Variants in RBMS3 observed in about 807,000 individuals in gnomAD.
RBMS3 encodes RNA-binding motif, single-stranded-interacting protein 3.
A neutral mutation model predicts 66.8 loss-of-function variants in RBMS3; 27 were observed. The ratio of observed to expected loss-of-function variants is 0.40; its 90% CI spans 0.30 to 0.56. The LOEUF (loss-of-function observed/expected upper bound fraction) is 0.56, where lower values mean the gene tolerates loss of function less well. Among genes scored for constraint, RBMS3 ranks in the 20% least tolerant of loss-of-function variants. RBMS3 has a pLI of 0.40. For synonymous variants in RBMS3, 188 were observed against 183.0 expected, an observed-to-expected ratio of 1.03 and a Z score of -0.22; for missense variants, 513 against 549.5, an observed-to-expected ratio of 0.93 and a Z score of 0.66.
intron 14 of RBMS3, among the ~76,000 whole-genome samples, chr3:29,992,637 A>G (rs1426807890): frequency 6.6e-6 from 1 of 152,090 alleles, no homozygotes; most frequent in Non-Finnish European, 1.5e-5. Flanking sequence ...AATTATTGCA[A>G]TAGGGGAAGA....
At chr3:29,772,585 C>T (rs537812233) in intron 6 of RBMS3, among the ~76,000 whole-genome samples, 17 of 152,002 alleles carry the variant, frequency 1.1e-4, no homozygotes, top group African/African-American at 1.4e-4. Context: ...AGAGATTGGG[C>T]TCACCTCCGA....
chr3:29,587,525 G>A (rs1377575736), intron 4 of RBMS3, among the ~76,000 whole-genome samples: 2 of 151,548 alleles, frequency 1.3e-5, no homozygotes, highest in South Asian at 2.1e-4. Context: ...GGACACTCGT[G>A]AAGTGCTCTG....
At chr3:29,369,487 AACACAC>A (rs59274434) in intron 1 of RBMS3, among the ~76,000 whole-genome samples, 12,882 of 135,160 alleles carry the variant, frequency 0.095, 640 homozygotes, top group African/African-American at 0.1. Flanking sequence ...ATCACTCCTT[AACACAC>A]ACACACACAC....
At chr3:29,471,718 G>GTTTTTTTTTTT (rs397793236) in intron 2 of RBMS3, among the ~76,000 whole-genome samples, 2 of 71,166 alleles carry the variant, frequency 2.8e-5, no homozygotes, top group Non-Finnish European at 5.5e-5. Flanking sequence ...TGAGGACTTA[G>GTTTTTTTTTTT]TTTTTTTTTT....
At chr3:29,565,318 C>G (rs923428091) in intron 3 of RBMS3, among the ~76,000 whole-genome samples, 3 of 152,114 alleles carry the variant, frequency 2.0e-5, no homozygotes, top group African/African-American at 4.8e-5. Flanking sequence ...AAAGAAAAAA[C>G]TTCTGGCTTG....
At chr3:29,542,657 A>T (rs1190305347) in intron 3 of RBMS3, among the ~76,000 whole-genome samples, 1 of 152,186 alleles carries the variant, frequency 6.6e-6, no homozygotes, top group Non-Finnish European at 1.5e-5. Context: ...CACCACGCCC[A>T]GCCCATCCCC....
At chr3:29,326,327 C>A (rs1447342686) in intron 1 of RBMS3, among the ~76,000 whole-genome samples, 2 of 152,168 alleles carry the variant, frequency 1.3e-5, no homozygotes, top group Non-Finnish European at 2.9e-5. Flanking sequence ...AAATTATGAT[C>A]CCCAATAAGT....
At chr3:29,648,431 C>T (rs2050024477) in intron 4 of RBMS3, among the ~76,000 whole-genome samples, 1 of 151,694 alleles carries the variant, frequency 6.6e-6, no homozygotes, top group African/African-American at 2.4e-5. Context: ...CGCCACTACA[C>T]CTGGCTAAGT....
intron 8 of RBMS3, among the ~76,000 whole-genome samples, chr3:29,896,078 G>T (rs1178984376): frequency 6.6e-6 from 1 of 151,252 alleles, no homozygotes; most frequent in African/African-American, 2.4e-5. Flanking sequence ...TTACCCAAAA[G>T]AGTATGATCT....
intron 12 of RBMS3, among the ~76,000 whole-genome samples, chr3:29,944,573 T>A (rs992311948): frequency 8.6e-5 from 13 of 151,694 alleles, no homozygotes; most frequent in Admixed American, 8.6e-4. Flanking sequence ...AGTCATCAAA[T>A]TCCTGAAAAG....
intron 3 of RBMS3, among the ~76,000 whole-genome samples, chr3:29,548,887 A>G (rs2046075197): frequency 6.6e-6 from 1 of 152,126 alleles, no homozygotes; most frequent in Non-Finnish European, 1.5e-5. Flanking sequence ...TTGGCCAATA[A>G]TTGTTATTTT....
At chr3:29,519,531 C>A (rs1005167322) in intron 3 of RBMS3, among the ~76,000 whole-genome samples, 3 of 152,152 alleles carry the variant, frequency 2.0e-5, no homozygotes, top group African/African-American at 7.2e-5. Flanking sequence ...CAGTCCTATG[C>A]CATTCTCCTC....
intron 5 of RBMS3, among the ~76,000 whole-genome samples, chr3:29,741,279 C>T (rs972705782): frequency 6.6e-6 from 1 of 152,162 alleles, no homozygotes; most frequent in Non-Finnish European, 1.5e-5. Flanking sequence ...AAGAAAATCT[C>T]CCTGACTTGA....
chr3:29,850,439 C>A (rs1300553594), intron 6 of RBMS3, among the ~76,000 whole-genome samples: 1 of 152,102 alleles, frequency 6.6e-6, no homozygotes, highest in Admixed American at 6.5e-5. Context: ...ACAAAAGAAT[C>A]TCTTTATTTT....
intron 6 of RBMS3, among the ~76,000 whole-genome samples, chr3:29,838,153 A>G (rs151106604): frequency 1.3e-4 from 18 of 140,318 alleles, no homozygotes; most frequent in African/African-American, 4.9e-4. Context: ...CCTGGGCAAC[A>G]TAGTGAGACC....
chr3:29,731,608 G>A (rs1157755170), intron 4 of RBMS3, among the ~76,000 whole-genome samples: 1 of 152,082 alleles, frequency 6.6e-6, no homozygotes, highest in East Asian at 1.9e-4. Context: ...GTTTGCTTCT[G>A]GAGCGCCTGT....
At chr3:29,519,907 A>G (rs1232185257) in intron 3 of RBMS3, among the ~76,000 whole-genome samples, 1 of 152,210 alleles carries the variant, frequency 6.6e-6, no homozygotes, top group Non-Finnish European at 1.5e-5. Flanking sequence ...CAGTTGCCAG[A>G]TAAAATACAG....
intron 12 of RBMS3, among the ~76,000 whole-genome samples, chr3:29,953,178 G>C (rs1196430734): frequency 6.6e-6 from 1 of 151,870 alleles, no homozygotes; most frequent in African/African-American, 2.4e-5. Context: ...ATTCCACATT[G>C]AGTGATACCT....
At chr3:29,725,597 T>C (rs77453655) in intron 4 of RBMS3, among the ~76,000 whole-genome samples, 9,101 of 151,984 alleles carry the variant, frequency 0.06, 886 homozygotes, top group African/African-American at 0.21. Context: ...AACACCTCTA[T>C]GAAAAATCTA....
Sources: allele counts gnomAD v4.1 joint callset (sites outside exome capture counted in the v4.1 genomes callset), GRCh38; gene constraint gnomAD v4.1.1; transcripts MANE v1.5; gene names NCBI Gene and HGNC (gene_info 2026-07-23, HGNC 2026-07-21).